NCAM2: variants seen among roughly 807,000 people sequenced by gnomAD.
NCAM2 encodes the protein neural cell adhesion molecule 2.
In NCAM2, 30 loss-of-function variants were observed where a neutral mutation model predicts 98.1. The ratio of observed to expected loss-of-function variants is 0.31; its 90% CI spans 0.23 to 0.41. The LOEUF (loss-of-function observed/expected upper bound fraction) is 0.41, where lower values mean the gene tolerates loss of function less well. Ranked by LOEUF, NCAM2 falls within the 10% of genes least tolerant of loss-of-function variation. The pLI is 1.00. For synonymous variants in NCAM2, 368 were observed against 342.4 expected, an observed-to-expected ratio of 1.07 and a Z score of -0.83; for missense variants, 867 against 1,005.8, an observed-to-expected ratio of 0.86 and a Z score of 1.87.
At chr21:21,082,160 A>G (rs898738636) in intron 1 of NCAM2, among the ~76,000 whole-genome samples, 1 of 147,880 alleles carries the variant, frequency 6.8e-6, no homozygotes, top group Non-Finnish European at 1.5e-5. Context: ...CCCGGGAGGC[A>G]GAGGTTGCAG....
intron 1 of NCAM2, among the ~76,000 whole-genome samples, chr21:21,166,813 C>G (rs1419593063): frequency 6.6e-6 from 1 of 152,150 alleles, no homozygotes; most frequent in African/African-American, 2.4e-5. Context: ...TAAAACCACT[C>G]TCTTCCTGCT....
At chr21:21,014,740 A>C (rs73228183) in intron 1 of NCAM2, among the ~76,000 whole-genome samples, 7,484 of 152,262 alleles carry the variant, frequency 0.049, 219 homozygotes, top group Non-Finnish European at 0.058. Context: ...ATTCTTTAAG[A>C]AATATATTTC....
At chr21:21,065,228 A>T (rs953633637) in intron 1 of NCAM2, among the ~76,000 whole-genome samples, 1 of 151,918 alleles carries the variant, frequency 6.6e-6, no homozygotes, top group Non-Finnish European at 1.5e-5. Flanking sequence ...AACAAAAAAA[A>T]CTTACTTCCA....
At chr21:21,413,044 A>C (rs1187744450) in intron 10 of NCAM2, among the ~76,000 whole-genome samples, 1 of 152,166 alleles carries the variant, frequency 6.6e-6, no homozygotes, top group Non-Finnish European at 1.5e-5. Flanking sequence ...AAACTTTTAA[A>C]ATTGTGTGTT....
chr21:21,510,731 A>G (rs2079960130), intron 16 of NCAM2, among the ~76,000 whole-genome samples: 1 of 121,040 alleles, frequency 8.3e-6, no homozygotes, highest in African/African-American at 3.2e-5. Context: ...CAAAATATAT[A>G]TCATTTTTTA....
At position 21,514,772 on chromosome 21, in the gene NCAM2, G is replaced by T. The variant is rs142782002; in HGVS notation, c.2282+5717G>T. On this transcript the variant is annotated intron_variant, in intron 16 of 17. Coordinates refer to ENST00000400546, the MANE Select transcript of NCAM2 (RefSeq NM_004540.5). ...AAATGTCATTCTTTTCTCATGAATA[G>T]CAGTGCCATGGTTGTGACATCTCAG... Among the ~76,000 whole-genome samples the T allele has an allele frequency of 2.6e-5, 4 of 152,218 alleles. No individual in the cohort carries two copies. The East Asian group carries it at 7.7e-4, about 29-fold the overall frequency.
chr21:21,436,839 G>T (rs1037550726), intron 12 of NCAM2, among the ~76,000 whole-genome samples: 3 of 150,538 alleles, frequency 2.0e-5, no homozygotes, highest in African/African-American at 7.4e-5. Flanking sequence ...TCAGCTCACT[G>T]CAACCTCCGC....
chr21:21,433,304 G>A (rs2077384477), intron 12 of NCAM2, among the ~76,000 whole-genome samples: 1 of 152,132 alleles, frequency 6.6e-6, no homozygotes, highest in South Asian at 2.1e-4. Context: ...TGCACATTGT[G>A]TGGTTTAGGA....
intron 1 of NCAM2, among the ~76,000 whole-genome samples, chr21:21,084,987 G>A (rs1186924330): frequency 6.6e-6 from 1 of 152,074 alleles, no homozygotes; most frequent in Non-Finnish European, 1.5e-5. Flanking sequence ...TAGAGAAACC[G>A]ATGCACCCTT....
At chr21:21,259,212 C>T (rs1336116732) in intron 1 of NCAM2, among the ~76,000 whole-genome samples, 1 of 152,126 alleles carries the variant, frequency 6.6e-6, no homozygotes, top group Non-Finnish European at 1.5e-5. Context: ...ATCCCAGCAA[C>T]AGAGGACAGA....
chr21:21,478,735 GC>G (rs1290517119), intron 15 of NCAM2, among the ~76,000 whole-genome samples: 1 of 152,016 alleles, frequency 6.6e-6, no homozygotes, highest in Non-Finnish European at 1.5e-5. Flanking sequence ...TATTTTCAAA[GC>G]CCTTCTGCAT....
chr21:21,481,959 A>C (rs940336960), intron 15 of NCAM2, among the ~76,000 whole-genome samples: 2 of 151,960 alleles, frequency 1.3e-5, no homozygotes, highest in African/African-American at 4.8e-5. Context: ...TGAACCGGGC[A>C]TGGTGACACC....
Position 21,477,272 on chromosome 21 carries a change from AT to A in NCAM2, c.1897-14del. On this transcript the variant is annotated intron_variant, in intron 14 of 17. Coordinates refer to ENST00000400546, the MANE Select transcript of NCAM2 (RefSeq NM_004540.5). ...TAGTGTATGGATATTTACAAACTGC[AT>A]TTTTATTGCTTTCACAGAAAGATAA... 6.4e-7 allele frequency: 1 copy of A among 1,557,458 alleles called. No individual in the cohort carries two copies. The highest frequency in any genetic ancestry group is 8.7e-7 in the Non-Finnish European group (1 of 1,149,828).
chr21:21,492,388 A>C (rs1986913607), intron 15 of NCAM2, among the ~76,000 whole-genome samples: 1 of 151,868 alleles, frequency 6.6e-6, no homozygotes, highest in Non-Finnish European at 1.5e-5. Flanking sequence ...TGTGTACAAC[A>C]ACCACGGTTT....
chr21:21,200,106 A>G (rs971361148), intron 1 of NCAM2, among the ~76,000 whole-genome samples: 1 of 152,114 alleles, frequency 6.6e-6, no homozygotes, highest in African/African-American at 2.4e-5. Context: ...GCAGCCCAAA[A>G]GAGAAAGAGA....
chr21:21,290,740 G>A (rs981158456), intron 4 of NCAM2, among the ~76,000 whole-genome samples: 5 of 151,720 alleles, frequency 3.3e-5, no homozygotes, highest in East Asian at 1.9e-4. Flanking sequence ...AGGCTTGTCC[G>A]TTTAATGAGT....
rs182831127 is a variant in NCAM2 at position 21,158,861 on chromosome 21, T to C, written c.56-121717T>C. Among the ~76,000 whole-genome samples the C allele has an allele frequency of 3.9e-3, 591 of 152,278 alleles. 8 individuals carry two copies. The highest frequency in any genetic ancestry group is 0.014 in the African/African-American group (566 of 41,554). ...TATTACTGTATGCTTTTTACAGTTA[T>C]TTTAGAGTGTATTCCTTCTATTTAT... On this transcript the variant is annotated intron_variant, in intron 1 of 17. Transcript: ENST00000400546.
chr21:21,343,014 G>A (rs1232144320), intron 8 of NCAM2, among the ~76,000 whole-genome samples: 1 of 152,100 alleles, frequency 6.6e-6, no homozygotes, highest in Non-Finnish European at 1.5e-5. Flanking sequence ...AAAGTGTATG[G>A]CTGGCACTCT....
chr21:21,179,471 A>G (rs2068399755), intron 1 of NCAM2, among the ~76,000 whole-genome samples: 1 of 152,146 alleles, frequency 6.6e-6, no homozygotes, highest in Non-Finnish European at 1.5e-5. Flanking sequence ...TTGGCATGAA[A>G]TCACTAATCA....
Sources: allele counts gnomAD v4.1 joint callset (sites outside exome capture counted in the v4.1 genomes callset), GRCh38; gene constraint gnomAD v4.1.1; transcripts MANE v1.5; gene names NCBI Gene and HGNC (gene_info 2026-07-23, HGNC 2026-07-21).